The following EPHA5 variants were observed in gnomAD, a reference collection of about 807,000 sequenced individuals.
EPHA5 encodes ephrin type-A receptor 5.
In EPHA5, 60 loss-of-function variants were observed where a neutral mutation model predicts 105.0. That is an observed-to-expected ratio of 0.57 (90% confidence interval 0.46 to 0.71). EPHA5 has a LOEUF of 0.71. Among genes scored for constraint, EPHA5 ranks in the 30% least tolerant of loss-of-function variants. EPHA5 has a pLI of 0.00. For synonymous variants in EPHA5, 513 were observed against 449.1 expected, an observed-to-expected ratio of 1.14 and a Z score of -1.80; for missense variants, 1,218 against 1,274.7, an observed-to-expected ratio of 0.96 and a Z score of 0.68.
At chr4:65,401,916 A>T (rs1406171921) in intron 8 of EPHA5, among the ~76,000 whole-genome samples, 7 of 151,714 alleles carry the variant, frequency 4.6e-5, no homozygotes, top group East Asian at 1.9e-4. Context: ...AGAGAGAGAG[A>T]GAGAGAGAGA....
intron 2 of EPHA5, among the ~76,000 whole-genome samples, chr4:65,618,472 A>G (rs183456236): frequency 9.8e-5 from 15 of 152,316 alleles, no homozygotes; most frequent in Admixed American, 7.8e-4. Flanking sequence ...TGAAAATATC[A>G]GTGTCTCTTT....
intron 3 of EPHA5, among the ~76,000 whole-genome samples, chr4:65,526,991 A>G (rs894745466): frequency 6.6e-6 from 1 of 152,074 alleles, no homozygotes. Flanking sequence ...GTAAGTGTAA[A>G]TGTAGTTACC....
chr4:65,490,276 G>C, intron 5 of EPHA5, 101 bp downstream of exon 5: 1 of 1,190,490 alleles, frequency 8.4e-7, no homozygotes, highest in South Asian at 1.4e-5. Context: ...CCGGTTGAGG[G>C]AAAATTCTCA....
chr4:65,336,018 C>G lies in EPHA5; in HGVS notation c.2703G>C (p.Arg901Ser), dbSNP rs2148813244. The G allele has an allele frequency of 6.2e-7, 1 of 1,613,260 alleles. No individual in the cohort carries two copies. The highest frequency in any genetic ancestry group is 8.5e-7 in the Non-Finnish European group (1 of 1,179,592). Residue 901 changes from arginine to serine, a missense_variant, in exon 15 of 17, where the codon AGG (arginine) becomes AGC (serine). Coordinates refer to ENST00000613740, the MANE Select transcript of EPHA5 (RefSeq NM_001281766.3). Reference protein sequence around the residue: ...LDCWQKERNSRPKFDEIVNML... With the variant: ...LDCWQKERNSSPKFDEIVNML... ...TGTTGACTATTTCATCAAACTTGGG[C>G]CTGCTATTTCGCTCTTTCTGCCAGC...
Position 65,347,440 on chromosome 4 carries a change from T to C in EPHA5, c.2595+614A>G, listed in dbSNP as rs140052587. 5.3e-5 allele frequency among the ~76,000 whole-genome samples: 8 copies of C among 152,310 alleles called. No homozygotes were observed. In the East Asian group the frequency reaches 1.5e-3, roughly 29 times the overall value. ...AAGGGAAAGATTAAAGAGCCATGTG[T>C]CAGGCATCACATAATAAACGCTGTG... On this transcript the variant is annotated intron_variant, in intron 14 of 16. Transcript: ENST00000613740.
At chr4:65,636,233 G>A (rs1007203769) in intron 2 of EPHA5, among the ~76,000 whole-genome samples, 2 of 152,232 alleles carry the variant, frequency 1.3e-5, no homozygotes, top group Admixed American at 1.3e-4. Context: ...TGTTCTATAT[G>A]TTGTTTCAAC....
intron 5 of EPHA5, among the ~76,000 whole-genome samples, chr4:65,476,824 T>C (rs1729865978): frequency 6.6e-6 from 1 of 152,152 alleles, no homozygotes; most frequent in Admixed American, 6.6e-5. Context: ...TTCAGGGTTC[T>C]GGAAAAAATC....
At chr4:65,340,801 C>A (rs1290868540) in intron 14 of EPHA5, among the ~76,000 whole-genome samples, 1 of 152,092 alleles carries the variant, frequency 6.6e-6, no homozygotes, top group Non-Finnish European at 1.5e-5. Context: ...CTAGGCTCTT[C>A]AACTGCAGAG....
intron 3 of EPHA5, among the ~76,000 whole-genome samples, chr4:65,539,916 C>T (rs1439150255): frequency 1.3e-5 from 2 of 151,356 alleles, no homozygotes; most frequent in African/African-American, 4.8e-5. Context: ...TTATATTATG[C>T]ACATATGTTA....
intron 3 of EPHA5, among the ~76,000 whole-genome samples, chr4:65,500,091 T>A (rs758797084): frequency 2.3e-4 from 35 of 151,526 alleles, no homozygotes; most frequent in Non-Finnish European, 4.9e-4. Flanking sequence ...TACATTTTAA[T>A]CATGATAATA....
intron 1 of EPHA5, among the ~76,000 whole-genome samples, chr4:65,652,019 G>C (rs777082345): frequency 3.3e-5 from 5 of 152,192 alleles, no homozygotes; most frequent in Non-Finnish European, 7.4e-5. Flanking sequence ...ACCTTGTCAG[G>C]TATGCTAACC....
intron 11 of EPHA5, among the ~76,000 whole-genome samples, chr4:65,358,594 G>T (rs193216440): frequency 4.6e-5 from 7 of 151,492 alleles, no homozygotes; most frequent in Non-Finnish European, 8.9e-5. Context: ...AGTAGGAATA[G>T]GTAATGCTTA....
At chr4:65,583,752 A>G (rs1741864860) in intron 3 of EPHA5, among the ~76,000 whole-genome samples, 1 of 151,762 alleles carries the variant, frequency 6.6e-6, no homozygotes. Context: ...TTGTTAAAAA[A>G]GAAACATATC....
chr4:65,423,306 T>C (rs761844597), intron 5 of EPHA5, among the ~76,000 whole-genome samples: 1 of 151,950 alleles, frequency 6.6e-6, no homozygotes, highest in Non-Finnish European at 1.5e-5. Flanking sequence ...ATTTCCTGAG[T>C]GACATAGGGT....
intron 3 of EPHA5, among the ~76,000 whole-genome samples, chr4:65,572,793 G>T (rs537963676): frequency 2.0e-5 from 3 of 152,266 alleles, no homozygotes; most frequent in Non-Finnish European, 4.4e-5. Context: ...TCATTTGGGA[G>T]GCCGAGGCAG....
chr4:65,476,663 G>A (rs182345600), intron 5 of EPHA5, among the ~76,000 whole-genome samples: 34 of 152,116 alleles, frequency 2.2e-4, no homozygotes, highest in African/African-American at 6.7e-4. Context: ...AGGATCATTC[G>A]TATCCCAAAC....
chr4:65,577,603 T>C (rs932012640), intron 3 of EPHA5, among the ~76,000 whole-genome samples: 10 of 152,164 alleles, frequency 6.6e-5, no homozygotes, highest in Admixed American at 2.0e-4. Flanking sequence ...TTCCTTAGTC[T>C]ATAATAAAAT....
intron 8 of EPHA5, among the ~76,000 whole-genome samples, chr4:65,402,041 T>A (rs571435966): frequency 1.3e-5 from 2 of 152,006 alleles, no homozygotes; most frequent in Non-Finnish European, 1.5e-5. Context: ...GTGGAGGTAA[T>A]TGGATCATGC....
intron 3 of EPHA5, among the ~76,000 whole-genome samples, chr4:65,548,821 T>C (rs1367379335): frequency 1.3e-5 from 2 of 152,144 alleles, no homozygotes; most frequent in Non-Finnish European, 2.9e-5. Flanking sequence ...ACTCAAGGTC[T>C]CTCATTTGAA....
Sources: allele counts gnomAD v4.1 joint callset (sites outside exome capture counted in the v4.1 genomes callset), GRCh38; gene constraint gnomAD v4.1.1; transcripts MANE v1.5; gene names NCBI Gene and HGNC (gene_info 2026-07-23, HGNC 2026-07-21).